The following CDKL5 variants were observed in gnomAD, a reference collection of about 807,000 sequenced individuals.
CDKL5 encodes cyclin dependent kinase like 5.
In CDKL5, 8 loss-of-function variants were observed where a neutral mutation model predicts 61.7. That is an observed-to-expected ratio of 0.13 (90% CI 0.08 to 0.23). The LOEUF is 0.23. CDKL5 is among the 10% of genes least tolerant of loss of function. The probability of loss-of-function intolerance (pLI) is 1.00; values close to 1 mark genes in which losing one functional copy is unlikely to be tolerated. For synonymous variants in CDKL5, 275 were observed against 272.3 expected, an observed-to-expected ratio of 1.01 and a Z score of -0.10; for missense variants, 440 against 734.5, an observed-to-expected ratio of 0.60 and a Z score of 4.63.
At chrX:18,603,798 T>G in intron 11 of CDKL5, 104 bp from the exon 12 acceptor site, 1 of 947,606 alleles carries the variant, frequency 1.1e-6, no homozygotes, top group Non-Finnish European at 1.5e-6. Flanking sequence ...ATTAATGTTT[T>G]TAGTCTTCCA....
At position 18,647,470 on chromosome X, in the gene CDKL5, T is replaced by C; in HGVS notation, c.2797+1380T>C. ...CTTTACCTGTCTCTGTGGTTCACAA[T>C]GGGTACAGCTGTGTCTTCAACGGTT... On this transcript the variant is annotated intron_variant, in intron 20 of 21. Transcript: ENST00000379989. 4 of 594,854 alleles carry C rather than the reference T, an allele frequency of 6.7e-6. No homozygotes were observed. In the Admixed American group the frequency reaches 8.1e-5, roughly 12 times the overall value. 49.0% of individuals were successfully genotyped at this position (594,854 alleles called of 1,213,427 possible).
At chrX:18,651,990 G>T (rs181038435) in intron 21 of CDKL5, among the ~76,000 whole-genome samples, 2 of 108,873 alleles carry the variant, frequency 1.8e-5, no homozygotes, top group African/African-American at 6.7e-5. Context: ...ATCTCTGCCC[G>T]CCCTGAGCTG....
At chrX:18,601,146 A>G (rs761061361) in intron 11 of CDKL5, among the ~76,000 whole-genome samples, 1 of 111,475 alleles carries the variant, frequency 9.0e-6, no homozygotes, top group Admixed American at 9.5e-5. Context: ...GCTGTTGCAT[A>G]CCTTGTCTTC....
At chrX:18,623,168 C>G (rs1349594317) in intron 16 of CDKL5, among the ~76,000 whole-genome samples, 1 of 112,321 alleles carries the variant, frequency 8.9e-6, no homozygotes, top group Non-Finnish European at 1.9e-5. Context: ...GGTGACTTTG[C>G]CAACTTGGTA....
intron 8 of CDKL5, among the ~76,000 whole-genome samples, chrX:18,587,177 TTTC>T (rs1925669189): frequency 1.8e-5 from 2 of 111,120 alleles, no homozygotes; most frequent in Non-Finnish European, 3.8e-5. Flanking sequence ...GTGTGTGTGG[TTTC>T]TTAATTTGCT....
chrX:18,510,570 G>A (rs186587418), intron 2 of CDKL5, among the ~76,000 whole-genome samples: 226 of 112,233 alleles, frequency 2.0e-3, no homozygotes, highest in African/African-American at 6.6e-3. Context: ...TAAACGTATC[G>A]CCAGTGAAAT....
At chrX:18,466,940 A>G (rs1920966184) in intron 1 of CDKL5, among the ~76,000 whole-genome samples, 1 of 111,637 alleles carries the variant, frequency 9.0e-6, no homozygotes, top group Non-Finnish European at 1.9e-5. Context: ...CTGCAGGAAG[A>G]ACTCTGGAAA....
chrX:18,483,234 A>G (rs1382409120), intron 1 of CDKL5, among the ~76,000 whole-genome samples: 1 of 111,602 alleles, frequency 9.0e-6, no homozygotes, highest in Non-Finnish European at 1.9e-5. Context: ...TTAGCCTATA[A>G]GTAGGTGGTA....
chrX:18,644,739 C>T (rs960643185), downstream of CDKL5: 7 of 750,834 alleles, frequency 9.3e-6, no homozygotes, highest in African/African-American at 6.3e-5. Flanking sequence ...CTGCCAAGCT[C>T]GGGCAGTCTG....
At chrX:18,646,782 C>T (rs943290626) in intron 20 of CDKL5, among the ~76,000 whole-genome samples, 2 of 111,849 alleles carry the variant, frequency 1.8e-5, no homozygotes, top group Non-Finnish European at 3.8e-5. Flanking sequence ...CCTCACCTGG[C>T]CAACTTCAAG....
chrX:18,535,361 T>A (rs1256620826), intron 3 of CDKL5: 1 of 112,925 alleles, frequency 8.9e-6, no homozygotes, highest in Non-Finnish European at 1.9e-5. Context: ...ATGTTCTACG[T>A]GATGTGAAAA....
chrX:18,494,287 G>A (rs974072513), intron 1 of CDKL5, among the ~76,000 whole-genome samples: 1 of 109,990 alleles, frequency 9.1e-6, no homozygotes, highest in African/African-American at 3.3e-5. Context: ...TTGCTCCGTC[G>A]CCCAGGCTGG....
At chrX:18,499,151 A>G (rs2147085765) in intron 1 of CDKL5, among the ~76,000 whole-genome samples, 1 of 111,678 alleles carries the variant, frequency 9.0e-6, no homozygotes, top group Admixed American at 9.5e-5. Flanking sequence ...TGGAGAGGAG[A>G]AAAAGATATT....
At chrX:18,583,574 T>C (rs1407824700) in intron 7 of CDKL5, among the ~76,000 whole-genome samples, 1 of 112,037 alleles carries the variant, frequency 8.9e-6, no homozygotes, top group Non-Finnish European at 1.9e-5. Context: ...TCTCTATAAC[T>C]ATTCACAGTG....
intron 1 of CDKL5, among the ~76,000 whole-genome samples, chrX:18,431,121 C>T (rs1241595023): frequency 1.8e-5 from 2 of 110,882 alleles, no homozygotes; most frequent in Non-Finnish European, 3.8e-5. Context: ...CCTCGGCCTC[C>T]CAAAGTGTTG....
chrX:18,599,090 C>A (rs1926100733), intron 11 of CDKL5, among the ~76,000 whole-genome samples: 1 of 112,436 alleles, frequency 8.9e-6, no homozygotes. Context: ...CTCTTGTCTT[C>A]TAATCATTGA....
At position 18,629,014 on chromosome X, in the gene CDKL5, G is replaced by A; in HGVS notation, c.*257G>A. The A allele has an allele frequency of 1.1e-6, 1 of 932,560 alleles. No homozygotes were observed. The highest frequency in any genetic ancestry group is 2.0e-5 in the African/African-American group (1 of 50,169). The allele number at this position is 932,560 out of a possible 1,213,427, so 76.9% of individuals were successfully genotyped here. ...TCTTGTGTGAGAATAGATAGAGTGT[G>A]CCATTGAGGAAGAAGAAATTCTTGC... On this transcript the variant is annotated 3_prime_UTR_variant, in exon 18 of 18. Transcript: ENST00000623535.
intron 5 of CDKL5, among the ~76,000 whole-genome samples, chrX:18,577,111 A>G (rs1925325167): frequency 9.0e-6 from 1 of 111,622 alleles, no homozygotes; most frequent in Non-Finnish European, 1.9e-5. Flanking sequence ...TGTAGTTTTC[A>G]CTACCAAATA....
rs1927188653 is a variant in CDKL5, at chrX:18,629,980, A to G, written c.*1223A>G. The G allele has an allele frequency of 1.3e-6, 1 of 752,180 alleles. No homozygotes were observed. Among genetic ancestry groups the G allele is most frequent in the Admixed American group, 8.8e-5 (1 of 11,342 alleles). 62.0% of individuals were successfully genotyped at this position (752,180 alleles called of 1,213,427 possible). A position where few individuals can be genotyped will look rare whatever the true frequency, so the allele number is the denominator to read the frequency against. ...GCAAACCATCTCTATGCTCCTGAAT[A>G]TTGTCCACTGTCCCGGAGACTCTTG... On this transcript the variant is annotated 3_prime_UTR_variant, in exon 18 of 18. Coordinates refer to ENST00000623535, the MANE Select transcript of CDKL5 (RefSeq NM_001323289.2).
Sources: allele counts gnomAD v4.1 joint callset (sites outside exome capture counted in the v4.1 genomes callset), GRCh38; gene constraint gnomAD v4.1.1; transcripts MANE v1.5; gene names NCBI Gene and HGNC (gene_info 2026-07-23, HGNC 2026-07-21).